CDH17: variants seen among roughly 807,000 people sequenced by gnomAD.
CDH17 encodes the protein cadherin 17, also known as cadherin-17.
CDH17 carries 67 observed loss-of-function variants against 86.3 expected under a neutral mutation model. That is an observed-to-expected ratio of 0.78 (90% CI 0.64 to 0.95). CDH17 has a LOEUF of 0.95. Among genes scored for constraint, CDH17 ranks in the 40% least tolerant of loss-of-function variants. The pLI is 0.00. For synonymous variants in CDH17, 367 were observed against 366.4 expected (o/e 1.00, Z -0.02); for missense variants, 993 against 1,017.6 (o/e 0.98, Z 0.33).
upstream of CDH17, among the ~76,000 whole-genome samples, chr8:94,211,473 G>A (rs950271798): frequency 1.4e-4 from 21 of 151,982 alleles, no homozygotes; most frequent in African/African-American, 4.4e-4. Flanking sequence ...CACCACACCC[G>A]GCTAATTTTT....
At chr8:94,188,875 A>G (rs977178121) in intron 3 of CDH17, among the ~76,000 whole-genome samples, 11 of 152,162 alleles carry the variant, frequency 7.2e-5, no homozygotes, top group Non-Finnish European at 1.2e-4. Context: ...GTGGATGGTC[A>G]TTCCCCTCTC....
At chr8:94,209,820 C>T (rs1814092069), upstream of CDH17, among the ~76,000 whole-genome samples, 1 of 152,148 alleles carries the variant, frequency 6.6e-6, no homozygotes, top group South Asian at 2.1e-4. Flanking sequence ...GTTTCAGTTC[C>T]TGGAATCAAG....
At chr8:94,136,652 A>G (rs1812534052) in intron 15 of CDH17, among the ~76,000 whole-genome samples, 1 of 152,180 alleles carries the variant, frequency 6.6e-6, no homozygotes, top group Admixed American at 6.5e-5. Context: ...TCAACTCGTC[A>G]AAGTCATTCT....
rs1812868234 is a variant in CDH17 at position 94,152,121 on chromosome 8, G to A, written c.1552-9C>T. ...GTTTCAAAATCAAGAGGCTGTGTAG[G>A]AGAAAGAGAGAAAATTAATTTTGGG... On this transcript the variant is annotated splice_polypyrimidine_tract_variant and intron_variant, in intron 12 of 17. Coordinates refer to ENST00000027335, the MANE Select transcript of CDH17 (RefSeq NM_004063.4). 6.2e-7 allele frequency: 1 copy of A among 1,611,752 alleles called. No individual in the cohort carries two copies. Among genetic ancestry groups the A allele is most frequent in the Admixed American group, 1.7e-5 (1 of 59,744 alleles).
chr8:94,151,903 A>G lies in CDH17; in HGVS notation c.1761T>C (p.Asn587=), dbSNP rs775646161. ...GACCTTCTGGATCCTTGGCAGTCAC[A>G]TTGCCCACTTTAGTGCCTATAGCTA... The part of the protein sequence containing the change: ...EDVAIGTKVG[N]VTAKDPEGLD... The change falls in exon 13 of 18, where the codon AAT becomes AAC. Residue 587 remains asparagine, a synonymous_variant. Transcript: ENST00000027335. 4 of 1,613,998 alleles carry G rather than the reference A, an allele frequency of 2.5e-6. No homozygotes were observed. In the East Asian group the frequency reaches 6.7e-5, roughly 27 times the overall value.
intron 4 of CDH17, 56 bp downstream of exon 4, chr8:94,177,531 A>T (rs1047365959): frequency 1.3e-5 from 20 of 1,596,114 alleles, no homozygotes; most frequent in Non-Finnish European, 1.7e-5. Context: ...ATACTTCCAG[A>T]ACAAAGGGTG....
intron 15 of CDH17, among the ~76,000 whole-genome samples, chr8:94,131,933 T>C (rs570364157): frequency 6.6e-6 from 1 of 152,194 alleles, no homozygotes; most frequent in Admixed American, 6.5e-5. Context: ...CAGTGTTTGG[T>C]GTTATGTCCT....
chr8:94,154,055 TAA>T (rs1197992158), intron 12 of CDH17, among the ~76,000 whole-genome samples: 5 of 152,334 alleles, frequency 3.3e-5, no homozygotes, highest in African/African-American at 1.2e-4. Flanking sequence ...CAAAAAATGA[TAA>T]GTGAGGTAAT....
chr8:94,214,445 T>C (rs1814166325), intron 1 of CDH17, among the ~76,000 whole-genome samples: 1 of 152,194 alleles, frequency 6.6e-6, no homozygotes, highest in Admixed American at 6.5e-5. Context: ...GTGAAATTGA[T>C]CTTCACATGC....
At chr8:94,158,960 C>A (rs1472500526) in intron 12 of CDH17, among the ~76,000 whole-genome samples, 1 of 152,168 alleles carries the variant, frequency 6.6e-6, no homozygotes, top group African/African-American at 2.4e-5. Context: ...CTTTCCTTTG[C>A]AGCTTCCAGC....
intron 15 of CDH17, among the ~76,000 whole-genome samples, chr8:94,145,663 A>G: frequency 6.6e-6 from 1 of 152,144 alleles, no homozygotes; most frequent in Non-Finnish European, 1.5e-5. Context: ...TCCATCTGTC[A>G]TTGAAAATTT....
intron 9 of CDH17, among the ~76,000 whole-genome samples, chr8:94,169,475 G>T (rs1022955694): frequency 2.6e-5 from 4 of 152,150 alleles, no homozygotes; most frequent in African/African-American, 9.7e-5. Context: ...CTCCGGGAAG[G>T]CACCCACTCT....
chr8:94,146,355 T>C (rs1035185590), intron 14 of CDH17, among the ~76,000 whole-genome samples, 188 bp from the exon 15 acceptor site: 1 of 152,208 alleles, frequency 6.6e-6, no homozygotes, highest in Non-Finnish European at 1.5e-5. Context: ...TAATAATAAC[T>C]AAGAGATATG....
Position 94,127,436 on chromosome 8 carries a change from C to G in CDH17, c.*804G>C, listed in dbSNP as rs7813034. On this transcript the variant is annotated 3_prime_UTR_variant, in exon 18 of 18. Transcript: ENST00000027335. ...TTGAAGAATTTCAGCCAAAGAGCAA[C>G]ATGTCACATTGATTAAAGATGGTTA... 6.0e-4 allele frequency: 91 copies of G among 152,346 alleles called. No individual in the cohort carries two copies. Among genetic ancestry groups the G allele is most frequent in the African/African-American group, 2.2e-3 (90 of 41,574 alleles). The allele number at this position is 152,346 out of a possible 1,614,324, so 9.4% of individuals were successfully genotyped here.
At chr8:94,210,733 A>G (rs1341682445), upstream of CDH17, among the ~76,000 whole-genome samples, 2 of 152,202 alleles carry the variant, frequency 1.3e-5, no homozygotes, top group Non-Finnish European at 2.9e-5. Context: ...GATGAAAACA[A>G]CTGAAGGCCA....
At chr8:94,203,925 A>G (rs940025026) in intron 1 of CDH17, among the ~76,000 whole-genome samples, 8 of 152,202 alleles carry the variant, frequency 5.3e-5, no homozygotes, top group African/African-American at 1.2e-4. Context: ...AGATATGCCA[A>G]TCTTTCAGTA....
intron 14 of CDH17, among the ~76,000 whole-genome samples, chr8:94,146,388 C>T (rs1812745044): frequency 6.6e-6 from 1 of 152,204 alleles, no homozygotes; most frequent in South Asian, 2.1e-4. Context: ...ACATATATTA[C>T]TTCAAAATAA....
At chr8:94,187,818 T>G (rs903886154) in intron 3 of CDH17, among the ~76,000 whole-genome samples, 11 of 152,170 alleles carry the variant, frequency 7.2e-5, no homozygotes, top group Non-Finnish European at 1.3e-4. Context: ...CCTCCCTTCC[T>G]CACCAAGTTA....
intron 1 of CDH17, among the ~76,000 whole-genome samples, chr8:94,198,582 C>G (rs1027381483): frequency 6.6e-6 from 1 of 152,158 alleles, no homozygotes. Flanking sequence ...AGATCTTTCT[C>G]CTTAAACTCC....
Sources: gnomAD v4.1 joint callset for allele counts (sites outside exome capture counted in the v4.1 genomes callset) on GRCh38, gnomAD v4.1.1 for gene constraint, MANE v1.5 for transcripts, NCBI Gene and HGNC (gene_info 2026-07-23, HGNC 2026-07-21) for gene names.